Variants in SLIT3 observed in about 807,000 individuals in gnomAD.
The protein encoded by SLIT3 is slit homolog 3 protein.
In SLIT3, 68 loss-of-function variants were observed where a neutral mutation model predicts 184.0. That is an observed-to-expected ratio of 0.37 (90% confidence interval 0.30 to 0.45). The LOEUF is 0.45. Among genes scored for constraint, SLIT3 ranks in the 20% least tolerant of loss-of-function variants. The pLI, the probability that SLIT3 is intolerant of heterozygous loss-of-function variation, is 1.00. For synonymous variants in SLIT3, 831 were observed against 828.6 expected (o/e 1.00, Z -0.05); for missense variants, 1,707 against 2,026.0 (o/e 0.84, Z 3.02).
intron 4 of SLIT3, among the ~76,000 whole-genome samples, chr5:168,891,244 G>A (rs557264457): frequency 6.6e-6 from 1 of 152,268 alleles, no homozygotes; most frequent in South Asian, 2.1e-4. Context: ...CTGATGTTGG[G>A]CAAAATGCCT....
intron 4 of SLIT3, among the ~76,000 whole-genome samples, chr5:169,042,885 A>T (rs973381454): frequency 2.0e-5 from 3 of 151,966 alleles, no homozygotes; most frequent in Non-Finnish European, 4.4e-5. Context: ...GTCCATTTAC[A>T]AAAGAGGGCT....
intron 1 of SLIT3, among the ~76,000 whole-genome samples, chr5:169,292,272 C>T (rs1022633129): frequency 6.6e-6 from 1 of 152,174 alleles, no homozygotes; most frequent in Non-Finnish European, 1.5e-5. Context: ...CATATACATA[C>T]ACATTCAACA....
chr5:168,839,391 T>TG (rs2113703884), intron 6 of SLIT3, among the ~76,000 whole-genome samples: 2 of 152,186 alleles, frequency 1.3e-5, no homozygotes, highest in South Asian at 4.2e-4. Context: ...AGTGGCAGAG[T>TG]GGGGTCTACA....
chr5:168,991,032 C>A (rs1338223049), intron 4 of SLIT3, among the ~76,000 whole-genome samples: 1 of 152,228 alleles, frequency 6.6e-6, no homozygotes, highest in East Asian at 1.9e-4. Flanking sequence ...AAGTGAAGGT[C>A]AGAAAGGTAA....
intron 4 of SLIT3, among the ~76,000 whole-genome samples, chr5:168,891,650 G>T (rs1760465933): frequency 6.6e-6 from 1 of 152,194 alleles, no homozygotes; most frequent in African/African-American, 2.4e-5. Flanking sequence ...AAGCACTATG[G>T]AGATAAGATG....
chr5:168,757,558 C>A (rs1020564627), intron 16 of SLIT3, among the ~76,000 whole-genome samples: 1 of 152,168 alleles, frequency 6.6e-6, no homozygotes, highest in Non-Finnish European at 1.5e-5. Flanking sequence ...TTCAGCCCCC[C>A]GAGTAGCTGG....
intron 8 of SLIT3, among the ~76,000 whole-genome samples, chr5:168,816,916 A>G (rs1379102734): frequency 6.6e-6 from 1 of 152,204 alleles, no homozygotes; most frequent in East Asian, 1.9e-4. Context: ...AGCCTACATT[A>G]TCTTGTCTTC....
At chr5:169,094,093 T>C (rs1185490613) in intron 4 of SLIT3, among the ~76,000 whole-genome samples, 1 of 152,186 alleles carries the variant, frequency 6.6e-6, no homozygotes, top group Non-Finnish European at 1.5e-5. Context: ...AATAGAAATA[T>C]AAAGAAATTG....
chr5:168,911,726 A>T (rs1385479755), intron 4 of SLIT3, among the ~76,000 whole-genome samples: 6 of 152,198 alleles, frequency 3.9e-5, no homozygotes, highest in Admixed American at 1.3e-4. Context: ...GAGCATAGCA[A>T]ATTCAGGTTC....
intron 4 of SLIT3, among the ~76,000 whole-genome samples, chr5:169,107,584 T>G (rs1167874049): frequency 6.6e-6 from 1 of 152,198 alleles, no homozygotes; most frequent in Non-Finnish European, 1.5e-5. Flanking sequence ...ATGGCGGGGC[T>G]TTTTAGAATG....
rs200999102 is a variant in SLIT3, at chr5:168,685,811, C to T, written c.3431G>A (p.Arg1144His). The change falls in exon 31 of 36, where the codon CGC becomes CAC. Residue 1144 changes from arginine (R) to histidine (H), a missense_variant. Transcript: ENST00000519560. ...CIVVQQEPTC[R>H]CPPGFAGPRC... ...GGGGCCGGCGAAGCCTGGTGGGCAGCGGCAGGTGGGCTCCTGCTGCACCAC... is the reference window on the plus strand; with the variant it reads ...GGGGCCGGCGAAGCCTGGTGGGCAGTGGCAGGTGGGCTCCTGCTGCACCAC... The T allele has an allele frequency of 2.2e-5, 36 of 1,613,796 alleles. No homozygotes were observed. Among genetic ancestry groups the T allele is most frequent in the African/African-American group, 2.7e-5 (2 of 74,922 alleles).
intron 14 of SLIT3, among the ~76,000 whole-genome samples, chr5:168,764,431 C>T: frequency 6.6e-6 from 1 of 152,190 alleles, no homozygotes. Flanking sequence ...ATGTGGTTAA[C>T]ATGTTTTGCT....
chr5:168,842,469 G>GTTTTTTTTTGTTTTTTTTTT (rs1758295300), intron 6 of SLIT3, among the ~76,000 whole-genome samples: 1 of 88,100 alleles, frequency 1.1e-5, no homozygotes, highest in African/African-American at 4.8e-5. Context: ...CCGTTTTTTC[G>GTTTTTTTTTGTTTTTTTTTT]TTTTTTTTTT....
intron 4 of SLIT3, among the ~76,000 whole-genome samples, chr5:168,894,064 A>T (rs899035205): frequency 3.3e-5 from 5 of 152,186 alleles, no homozygotes; most frequent in African/African-American, 1.2e-4. Flanking sequence ...TTCCTGAAAA[A>T]GAAAGCTCAA....
chr5:169,213,614 C>A lies in SLIT3; in HGVS notation c.342-20064G>T, dbSNP rs1252143410. Among the ~76,000 whole-genome samples the A allele has an allele frequency of 2.6e-5, 4 of 152,318 alleles. No individual in the cohort carries two copies. The East Asian group carries it at 7.7e-4, about 29-fold the overall frequency. ...TTCCTTGACCATCCCATTAAAACTG[C>A]AACTCCATTCCTGAGCTCTCTGACT... On this transcript the variant is annotated intron_variant, in intron 3 of 35. Transcript: ENST00000519560.
At chr5:168,879,990 A>G (rs942384336) in intron 5 of SLIT3, among the ~76,000 whole-genome samples, 3 of 152,330 alleles carry the variant, frequency 2.0e-5, no homozygotes, top group South Asian at 2.1e-4. Context: ...CATTCTCTGT[A>G]TTGTCTGAAC....
chr5:169,059,201 T>G (rs1425799993), intron 4 of SLIT3, among the ~76,000 whole-genome samples: 1 of 152,124 alleles, frequency 6.6e-6, no homozygotes, highest in Non-Finnish European at 1.5e-5. Flanking sequence ...TTTCTTTGGC[T>G]GTGAAGACCA....
At chr5:169,223,702 A>G (rs933750938) in intron 3 of SLIT3, among the ~76,000 whole-genome samples, 1 of 152,222 alleles carries the variant, frequency 6.6e-6, no homozygotes, top group Non-Finnish European at 1.5e-5. Flanking sequence ...GAGATAAAAA[A>G]GATTTTGAAA....
intron 2 of SLIT3, among the ~76,000 whole-genome samples, chr5:169,249,253 T>G (rs1765695305): frequency 6.6e-6 from 1 of 152,052 alleles, no homozygotes; most frequent in African/African-American, 2.4e-5. Context: ...TGTCTTTGAG[T>G]TGATAAGGAA....
Sources: gnomAD v4.1 joint callset for allele counts (sites outside exome capture counted in the v4.1 genomes callset) on GRCh38, gnomAD v4.1.1 for gene constraint, MANE v1.5 for transcripts, NCBI Gene and HGNC (gene_info 2026-07-23, HGNC 2026-07-21) for gene names.